The following CFAP61 variants were observed in gnomAD, a reference collection of about 807,000 sequenced individuals.
The protein encoded by CFAP61 is cilia and flagella associated protein 61.
CFAP61 carries 107 observed loss-of-function variants against 135.6 expected under a neutral mutation model. That is an observed-to-expected ratio of 0.79 (90% CI 0.67 to 0.93). The LOEUF (loss-of-function observed/expected upper bound fraction) is 0.93, where lower values mean the gene tolerates loss of function less well. Among genes scored for constraint, CFAP61 ranks in the 40% least tolerant of loss-of-function variants. The pLI is 0.00. For missense variants in CFAP61, 1,507 were observed against 1,556.2 expected, an observed-to-expected ratio of 0.97 and a Z score of 0.53; for synonymous variants, 575 against 578.5, an observed-to-expected ratio of 0.99 and a Z score of 0.09.
chr20:20,328,302 G>A (rs1304098253), intron 25 of CFAP61, among the ~76,000 whole-genome samples: 1 of 152,154 alleles, frequency 6.6e-6, no homozygotes, highest in Non-Finnish European at 1.5e-5. Flanking sequence ...CCATACCCCA[G>A]GTGAGAGATG....
At chr20:20,226,908 G>A (rs977099570) in intron 17 of CFAP61, among the ~76,000 whole-genome samples, 10 of 152,200 alleles carry the variant, frequency 6.6e-5, no homozygotes, top group African/African-American at 2.4e-4. Flanking sequence ...ATTAAAGGTG[G>A]GAGTTGTAGG....
intron 13 of CFAP61, among the ~76,000 whole-genome samples, chr20:20,177,735 A>G (rs751542459): frequency 6.6e-6 from 1 of 151,002 alleles, no homozygotes; most frequent in Non-Finnish European, 1.5e-5. Context: ...AATGCACAGT[A>G]TATAGGCACT....
intron 25 of CFAP61, among the ~76,000 whole-genome samples, chr20:20,310,389 A>G (rs1030124942): frequency 6.6e-6 from 1 of 152,208 alleles, no homozygotes; most frequent in South Asian, 2.1e-4. Context: ...CGGATTGTTC[A>G]AAAGAAACTA....
At chr20:20,318,892 A>G (rs2122231622) in intron 25 of CFAP61, among the ~76,000 whole-genome samples, 1 of 152,312 alleles carries the variant, frequency 6.6e-6, no homozygotes, top group Admixed American at 6.5e-5. Flanking sequence ...GGGTTCCCTG[A>G]GTGGTTTTGG....
intron 17 of CFAP61, among the ~76,000 whole-genome samples, 153 bp downstream of exon 17, chr20:20,200,055 C>T (rs1178341996): frequency 6.6e-6 from 1 of 152,184 alleles, no homozygotes; most frequent in Non-Finnish European, 1.5e-5. Flanking sequence ...CGCGAAGGCT[C>T]CCCTGCAGCC....
At chr20:20,320,467 A>ATG (rs1435875322) in intron 25 of CFAP61, among the ~76,000 whole-genome samples, 1 of 10,558 alleles carries the variant, frequency 9.5e-5, no homozygotes, top group African/African-American at 2.3e-4. Context: ...TATGTAATAT[A>ATG]TAATATATGT....
intron 22 of CFAP61, among the ~76,000 whole-genome samples, chr20:20,287,151 T>C (rs1206516403): frequency 6.6e-6 from 1 of 151,372 alleles, no homozygotes. Context: ...CTCAGAGAAA[T>C]ATATTTTCCT....
In CFAP61 at chr20:20,067,673, TTTATA is replaced by T. The variant is rs1226028751; in HGVS notation, c.144-3174_144-3170del. On this transcript the variant is annotated intron_variant, in intron 2 of 26. Transcript: ENST00000245957. Reference sequence around the variant, plus strand: ...TATATATATATATATAATATATATATTTATATTATATATAATTTTTTTATATATTC... The same window carrying T: ...TATATATATATATATAATATATATATTTATATATAATTTTTTTATATATTC... Among the ~76,000 whole-genome samples the T allele has an allele frequency of 3.1e-3, 436 of 140,728 alleles. 2 individuals carry two copies. The highest frequency in any genetic ancestry group is 0.011 in the African/African-American group (410 of 38,808). The allele number at this position is 140,728 out of a possible 152,430, so 92.3% of individuals were successfully genotyped here. A position where few individuals can be genotyped will look rare whatever the true frequency, so the allele number is the denominator to read the frequency against.
intron 26 of CFAP61, among the ~76,000 whole-genome samples, chr20:20,348,087 C>A (rs375625436): frequency 1.3e-5 from 2 of 152,102 alleles, no homozygotes; most frequent in Non-Finnish European, 2.9e-5. Flanking sequence ...TTAGTGAATT[C>A]TATCAAATAT....
Position 20,164,191 on chromosome 20 carries a change from A to T in CFAP61, c.1168A>T (p.Ile390Phe). 1 of 1,613,948 alleles carries T rather than the reference A, an allele frequency of 6.2e-7. No individual in the cohort carries two copies. The highest frequency in any genetic ancestry group is 8.5e-7 in the Non-Finnish European group (1 of 1,179,904). The stretch of plus-strand genomic sequence containing the variant: ...CAGGGGAGCCTCAGCTGCTTTTTGT[A>T]TTCAGCTGTTTTGTATTGATGAGAA... ...IYRGASAAFCIQLFCIDEKYE... is the reference protein window; with the variant it reads ...IYRGASAAFCFQLFCIDEKYE... Residue 390 changes from isoleucine (I) to phenylalanine (F), a missense_variant, in exon 11 of 27, where the codon ATT becomes TTT. By Grantham distance (21) the Ile-to-Phe change is conservative (BLOSUM62 0). Coordinates refer to ENST00000245957, the MANE Select transcript of CFAP61 (RefSeq NM_015585.4).
At chr20:20,294,710 T>C (rs1268355337) in intron 24 of CFAP61, among the ~76,000 whole-genome samples, 2 of 151,460 alleles carry the variant, frequency 1.3e-5, no homozygotes, top group African/African-American at 2.4e-5. Context: ...GGGTGGATCA[T>C]GAGGTCAGGA....
At chr20:20,289,043 C>T (rs6035596) in intron 23 of CFAP61, 107 bp downstream of exon 23, 75,584 of 770,638 alleles carry the variant, frequency 0.098, 4,095 homozygotes, top group Middle Eastern at 0.15. Flanking sequence ...AAGGCTCCTC[C>T]GTACCTCAAT....
At chr20:20,235,865 G>C (rs996450692) in intron 18 of CFAP61, among the ~76,000 whole-genome samples, 3 of 152,132 alleles carry the variant, frequency 2.0e-5, no homozygotes, top group Non-Finnish European at 4.4e-5. Context: ...CGTTGCTGGG[G>C]AGTGGGAAGA....
At chr20:20,171,384 G>A (rs539651271) in intron 13 of CFAP61, among the ~76,000 whole-genome samples, 1 of 152,250 alleles carries the variant, frequency 6.6e-6, no homozygotes, top group East Asian at 1.9e-4. Flanking sequence ...TAGAGCAAGG[G>A]TTACCTAACA....
At chr20:20,190,893 T>C (rs1251121373) in intron 14 of CFAP61, among the ~76,000 whole-genome samples, 4 of 151,986 alleles carry the variant, frequency 2.6e-5, no homozygotes, top group Non-Finnish European at 2.9e-5. Flanking sequence ...CCAAGGCAGG[T>C]GGATTCCTTG....
chr20:20,173,013 TG>T (rs1439863868), intron 13 of CFAP61, among the ~76,000 whole-genome samples: 3 of 152,216 alleles, frequency 2.0e-5, no homozygotes, highest in African/African-American at 7.2e-5. Flanking sequence ...ATTTACAGAA[TG>T]TCACAAAGTT....
rs958917394 is a variant in CFAP61, at chr20:20,360,328, C to A, written c.3632C>A (p.Thr1211Asn). ...KRVFEESIYK[T>N]LVERSTLDYL... ...GTTTTTGAGGAATCCATCTACAAAA[C>A]CCTGGTGGAGAGAAGCACTCTTGAC... is the stretch of plus-strand genomic sequence containing the variant. Residue 1211 changes from threonine (T) to asparagine (N), a missense_variant, in exon 27 of 27, where the codon ACC becomes AAC. Coordinates refer to ENST00000245957, the MANE Select transcript of CFAP61 (RefSeq NM_015585.4). 9 of 1,613,764 alleles carry A rather than the reference C, an allele frequency of 5.6e-6. No individual in the cohort carries two copies. In the Admixed American group the frequency reaches 6.7e-5, roughly 12 times the overall value.
intron 8 of CFAP61, among the ~76,000 whole-genome samples, chr20:20,105,172 T>C (rs1001736320): frequency 1.3e-5 from 2 of 152,112 alleles, no homozygotes; most frequent in Non-Finnish European, 2.9e-5. Context: ...CCTGGCTGGA[T>C]GTAAGCCGCA....
At position 20,090,688 on chromosome 20, in the gene CFAP61, CA is replaced by C. The variant is rs138798717; in HGVS notation, c.567-132del. ...CTGGCAACAGAGTGAGACTCCCTCT[CA>C]AAAAAAAAAAAAAAAAAAAAAAAGA... is the stretch of plus-strand genomic sequence containing the variant. On this transcript the variant is annotated intron_variant, in intron 6 of 26. Coordinates refer to ENST00000245957, the MANE Select transcript of CFAP61 (RefSeq NM_015585.4). Among the ~76,000 whole-genome samples, 563 of 102,924 alleles carry C rather than the reference CA, an allele frequency of 5.5e-3. 1 individual carries two copies. The highest frequency in any genetic ancestry group is 0.013 in the African/African-American group (352 of 26,498). The allele number at this position is 102,924 out of a possible 152,430, so 67.5% of individuals were successfully genotyped here. A position where few individuals can be genotyped will look rare whatever the true frequency, so the allele number is the denominator to read the frequency against.
Sources: gnomAD v4.1 joint callset for allele counts (sites outside exome capture counted in the v4.1 genomes callset) on GRCh38, gnomAD v4.1.1 for gene constraint, MANE v1.5 for transcripts, NCBI Gene and HGNC (gene_info 2026-07-23, HGNC 2026-07-21) for gene names.